The following TMEM196 variants were observed in gnomAD, a reference collection of about 807,000 sequenced individuals.
The protein encoded by TMEM196 is transmembrane protein 196.
TMEM196 carries 17 observed loss-of-function variants against 20.0 expected under a neutral mutation model. The observed-to-expected ratio is 0.85, with a 90% confidence interval of 0.58 to 1.27. The LOEUF is 1.27. Among genes scored for constraint, TMEM196 ranks in the 50% most tolerant of loss-of-function variants. The pLI, the probability that TMEM196 is intolerant of heterozygous loss-of-function variation, is 0.00. For missense variants in TMEM196, 267 were observed against 223.0 expected (o/e 1.20, Z -1.26); for synonymous variants, 113 against 88.9 (o/e 1.27, Z -1.52).
intron 1 of TMEM196, among the ~76,000 whole-genome samples, chr7:19,742,177 AT>A (rs1784605207): frequency 6.6e-6 from 1 of 152,142 alleles, no homozygotes; most frequent in South Asian, 2.1e-4. Context: ...ATCAGAATAC[AT>A]TTTTAAATAG....
Position 19,721,204 on chromosome 7 carries a change from C to T in TMEM196, c.*924G>A, listed in dbSNP as rs1783801046. On this transcript the variant is annotated 3_prime_UTR_variant, in exon 5 of 5. Transcript: ENST00000405844. ...ATGTGATTTTGTGGGCATAGAAGGGCCTTGAGCAATTGCCTTCCCATTTCT... is the reference window on the plus strand; with the variant it reads ...ATGTGATTTTGTGGGCATAGAAGGGTCTTGAGCAATTGCCTTCCCATTTCT... 6.6e-6 allele frequency: 1 copy of T among 151,744 alleles called. No homozygotes were observed. Among genetic ancestry groups the T allele is most frequent in the Non-Finnish European group, 1.5e-5 (1 of 67,770 alleles). The allele number at this position is 151,744 out of a possible 1,614,324, so 9.4% of individuals were successfully genotyped here. A position where few individuals can be genotyped will look rare whatever the true frequency, so the allele number is the denominator to read the frequency against.
rs193024801 is a variant in TMEM196, at chr7:19,733,368, C to T, written c.148-3930G>A. 1.4e-3 allele frequency among the ~76,000 whole-genome samples: 206 copies of T among 152,252 alleles called. 2 individuals are homozygous for T. The highest frequency in any genetic ancestry group is 4.9e-3 in the African/African-American group (202 of 41,524). On this transcript the variant is annotated intron_variant, in intron 1 of 4. Transcript: ENST00000405844. ...TGATATTTTAGAGCCCATCAGAGAG[C>T]TGGTTGAGATTCCAAGACAATGAGA...
At chr7:19,754,023 T>A (rs1785100682) in intron 1 of TMEM196, among the ~76,000 whole-genome samples, 1 of 152,228 alleles carries the variant, frequency 6.6e-6, no homozygotes, top group African/African-American at 2.4e-5. Context: ...TGTATTGAAC[T>A]ATATTTATGT....
At chr7:19,772,209 A>AC (rs1353390889) in intron 1 of TMEM196, among the ~76,000 whole-genome samples, 1 of 149,948 alleles carries the variant, frequency 6.7e-6, no homozygotes, top group Non-Finnish European at 1.5e-5. Context: ...CAGGTGTGAC[A>AC]CCCCCCTCCC....
Position 19,720,967 on chromosome 7 carries a change from T to C in TMEM196, c.*1161A>G, listed in dbSNP as rs1204085370. The C allele has an allele frequency of 2.0e-5, 3 of 151,926 alleles. No individual in the cohort carries two copies. Among genetic ancestry groups the C allele is most frequent in the Non-Finnish European group, 4.4e-5 (3 of 67,808 alleles). 9.4% of individuals were successfully genotyped at this position (151,926 alleles called of 1,614,324 possible). On this transcript the variant is annotated 3_prime_UTR_variant, in exon 5 of 5. Coordinates refer to ENST00000405844, the MANE Select transcript of TMEM196 (RefSeq NM_001363562.2). ...TTTTAAGTCATGATATCTTTATAAA[T>C]ACGGAAGTATGTCATTAAAGTCATG... is the stretch of plus-strand genomic sequence containing the variant.
chr7:19,755,010 A>G (rs1476771151), intron 1 of TMEM196, among the ~76,000 whole-genome samples: 1 of 152,214 alleles, frequency 6.6e-6, no homozygotes, highest in Non-Finnish European at 1.5e-5. Flanking sequence ...TCACGTAACT[A>G]TGGTCTTAAA....
At chr7:19,740,990 T>C (rs988859562) in intron 1 of TMEM196, among the ~76,000 whole-genome samples, 1 of 152,196 alleles carries the variant, frequency 6.6e-6, no homozygotes, top group Non-Finnish European at 1.5e-5. Flanking sequence ...ATATTTCATC[T>C]TTATTTAGAA....
At chr7:19,747,769 G>A (rs954544716) in intron 1 of TMEM196, among the ~76,000 whole-genome samples, 5 of 152,144 alleles carry the variant, frequency 3.3e-5, no homozygotes, top group African/African-American at 1.2e-4. Context: ...TATTTTGTTA[G>A]TGTGGTAACA....
At chr7:19,736,554 A>G (rs1784416643) in intron 1 of TMEM196, among the ~76,000 whole-genome samples, 1 of 151,528 alleles carries the variant, frequency 6.6e-6, no homozygotes, top group Non-Finnish European at 1.5e-5. Context: ...AGACATCATT[A>G]TTTTTAAATC....
Position 19,720,813 on chromosome 7 carries a change from AAAAC to A in TMEM196, c.*1311_*1314del, listed in dbSNP as rs1783788760. 6.6e-6 allele frequency: 1 copy of A among 151,918 alleles called. No homozygotes were observed. Among genetic ancestry groups the A allele is most frequent in the Non-Finnish European group, 1.5e-5 (1 of 67,798 alleles). The allele number at this position is 151,918 out of a possible 1,614,324, so 9.4% of individuals were successfully genotyped here. A position where few individuals can be genotyped will look rare whatever the true frequency, so the allele number is the denominator to read the frequency against. On this transcript the variant is annotated 3_prime_UTR_variant, in exon 5 of 5. Coordinates refer to ENST00000405844, the MANE Select transcript of TMEM196 (RefSeq NM_001363562.2). ...GCCTATATTATTTCATGAGAATCGTAAAACAAAACACCTAAATTAGATTACAGCA... is the reference window on the plus strand; with the variant it reads ...GCCTATATTATTTCATGAGAATCGTAAAAACACCTAAATTAGATTACAGCA...
At chr7:19,771,779 T>A (rs1191649320) in intron 1 of TMEM196, among the ~76,000 whole-genome samples, 1 of 152,180 alleles carries the variant, frequency 6.6e-6, no homozygotes, top group African/African-American at 2.4e-5. Context: ...AAAAGAAGCT[T>A]GTTGAGTCTG....
At chr7:19,755,773 T>C (rs1330659631) in intron 1 of TMEM196, among the ~76,000 whole-genome samples, 1 of 152,170 alleles carries the variant, frequency 6.6e-6, no homozygotes, top group African/African-American at 2.4e-5. Context: ...CTTATGCCTA[T>C]ATTCCAGCAC....
Position 19,772,883 on chromosome 7 carries a change from G to A in TMEM196, c.-187C>T. The A allele has an allele frequency of 2.1e-6, 1 of 474,440 alleles. No individual in the cohort carries two copies. The highest frequency in any genetic ancestry group is 3.5e-6 in the Non-Finnish European group (1 of 288,006). The allele number at this position is 474,440 out of a possible 1,614,324, so 29.4% of individuals were successfully genotyped here. On this transcript the variant is annotated 5_prime_UTR_variant, in exon 1 of 5. Coordinates refer to ENST00000405844, the MANE Select transcript of TMEM196 (RefSeq NM_001363562.2). ...AAGACCTTCCCTGGCTGGGCCAGAG[G>A]CAAAGGAGCTGCTCCACCCCCTGGC...
At chr7:19,769,058 T>C (rs2128040974) in intron 1 of TMEM196, among the ~76,000 whole-genome samples, 1 of 149,562 alleles carries the variant, frequency 6.7e-6, no homozygotes, top group East Asian at 1.9e-4. Flanking sequence ...AGCTTTTACT[T>C]CCACTGACTT....
chr7:19,741,714 G>C (rs1284622721), intron 1 of TMEM196, among the ~76,000 whole-genome samples: 1 of 152,124 alleles, frequency 6.6e-6, no homozygotes, highest in East Asian at 1.9e-4. Context: ...TTTGCACTGA[G>C]TGATGATTGC....
intron 2 of TMEM196, among the ~76,000 whole-genome samples, chr7:19,728,267 A>G (rs1784069096): frequency 1.3e-5 from 2 of 151,286 alleles, no homozygotes; most frequent in African/African-American, 4.9e-5. Context: ...CTTTCTCCCA[A>G]GGAGTTGTTC....
At chr7:19,724,874 G>A (rs564406223) in intron 3 of TMEM196, among the ~76,000 whole-genome samples, 1 of 152,140 alleles carries the variant, frequency 6.6e-6, no homozygotes, top group Admixed American at 6.6e-5. Flanking sequence ...TAGAAACACA[G>A]ACATCATACT....
intron 1 of TMEM196, among the ~76,000 whole-genome samples, chr7:19,756,332 T>C (rs1422432044): frequency 6.6e-6 from 1 of 151,514 alleles, no homozygotes; most frequent in Non-Finnish European, 1.5e-5. Flanking sequence ...ATCTAGTATG[T>C]ATTTTTTACC....
intron 1 of TMEM196, among the ~76,000 whole-genome samples, chr7:19,739,724 G>T (rs1242883274): frequency 2.0e-5 from 3 of 152,092 alleles, no homozygotes; most frequent in Non-Finnish European, 2.9e-5. Flanking sequence ...AAATACAAAT[G>T]ACTTCTAAAC....
Sources: gnomAD v4.1 joint callset for allele counts (sites outside exome capture counted in the v4.1 genomes callset) on GRCh38, gnomAD v4.1.1 for gene constraint, MANE v1.5 for transcripts, NCBI Gene and HGNC (gene_info 2026-07-23, HGNC 2026-07-21) for gene names.